The following CTTNBP2NL variants were observed in gnomAD, a reference collection of about 807,000 sequenced individuals.
CTTNBP2NL encodes CTTNBP2 N-terminal-like protein.
In CTTNBP2NL, 16 loss-of-function variants were observed where a neutral mutation model predicts 32.5. That is an observed-to-expected ratio of 0.49 (90% CI 0.33 to 0.75). The LOEUF (loss-of-function observed/expected upper bound fraction) is 0.75. Ranked by LOEUF, CTTNBP2NL falls within the 30% of genes least tolerant of loss-of-function variation. The pLI, the probability that CTTNBP2NL is intolerant of heterozygous loss-of-function variation, is 0.02. For missense variants in CTTNBP2NL, 645 were observed against 756.0 expected (o/e 0.85, Z 1.72); for synonymous variants, 298 against 289.4 (o/e 1.03, Z -0.30).
intron 3 of CTTNBP2NL, among the ~76,000 whole-genome samples, chr1:112,447,347 T>TCA (rs950380772): frequency 2.0e-3 from 300 of 149,088 alleles, no homozygotes; most frequent in African/African-American, 6.7e-3. Context: ...CACTTTTAAT[T>TCA]CACACACACA....
intron 4 of CTTNBP2NL, among the ~76,000 whole-genome samples, chr1:112,449,709 T>C (rs1054920287): frequency 6.7e-6 from 1 of 149,532 alleles, no homozygotes; most frequent in Non-Finnish European, 1.5e-5. Flanking sequence ...TTAAAGGTGT[T>C]CTACTCTATT....
intron 1 of CTTNBP2NL, among the ~76,000 whole-genome samples, chr1:112,401,928 G>T (rs1444059329): frequency 2.6e-5 from 4 of 152,184 alleles, no homozygotes; most frequent in Non-Finnish European, 5.9e-5. Context: ...TGAATTTAAA[G>T]AATGCAACCC....
intron 1 of CTTNBP2NL, among the ~76,000 whole-genome samples, chr1:112,408,061 G>A (rs944215417): frequency 6.6e-6 from 1 of 151,450 alleles, no homozygotes; most frequent in African/African-American, 2.4e-5. Flanking sequence ...TGTCCAGGCT[G>A]GTCTCAAACT....
chr1:112,405,911 C>T (rs888205506), intron 1 of CTTNBP2NL, among the ~76,000 whole-genome samples: 5 of 152,106 alleles, frequency 3.3e-5, no homozygotes, highest in Non-Finnish European at 5.9e-5. Context: ...TGCGGCCGGG[C>T]GCAGTGGCTC....
intron 3 of CTTNBP2NL, among the ~76,000 whole-genome samples, chr1:112,424,983 ATTTT>A (rs1239412500): frequency 7.4e-6 from 1 of 134,382 alleles, no homozygotes; most frequent in Admixed American, 7.6e-5. Flanking sequence ...GCCCAGCTAA[ATTTT>A]TTTTTTTTTT....
At chr1:112,412,774 G>A (rs1483836193) in intron 2 of CTTNBP2NL, among the ~76,000 whole-genome samples, 1 of 151,798 alleles carries the variant, frequency 6.6e-6, no homozygotes, top group Non-Finnish European at 1.5e-5. Context: ...GCACCACCAC[G>A]TCTGGCTAAT....
intron 3 of CTTNBP2NL, among the ~76,000 whole-genome samples, chr1:112,446,369 CAAAA>C (rs1027946286): frequency 6.9e-4 from 102 of 147,022 alleles, no homozygotes; most frequent in Non-Finnish European, 1.1e-3. Context: ...CTGTCTCAAA[CAAAA>C]AAGAAAAAAG....
chr1:112,415,238 A>G (rs746382126), intron 2 of CTTNBP2NL, among the ~76,000 whole-genome samples: 5 of 152,170 alleles, frequency 3.3e-5, no homozygotes, highest in Non-Finnish European at 5.9e-5. Context: ...TTGAGAATTC[A>G]TTTAAAAGTA....
intron 3 of CTTNBP2NL, among the ~76,000 whole-genome samples, chr1:112,437,338 T>C (rs1468068253): frequency 6.6e-6 from 1 of 152,232 alleles, no homozygotes; most frequent in African/African-American, 2.4e-5. Flanking sequence ...TGGTATGAGA[T>C]GGTATCTCAT....
Position 112,456,921 on chromosome 1 carries a change from A to G in CTTNBP2NL, c.1429A>G (p.Ser477Gly), listed in dbSNP as rs775787629. Reference sequence around the variant, plus strand: ...CCAAGCAGATCAGGACCAACAAGCCAGTGGCCTACAGAGCCCTCCATCCAG... The same window carrying G: ...CCAAGCAGATCAGGACCAACAAGCCGGTGGCCTACAGAGCCCTCCATCCAG... Reference protein sequence around the residue: ...QSQADQDQQASGLQSPPSRDL... With the variant: ...QSQADQDQQAGGLQSPPSRDL... Residue 477 changes from serine to glycine, a missense_variant, in exon 6 of 6, where the codon AGT becomes GGT. Transcript: ENST00000271277. 2 of 1,614,096 alleles carry G rather than the reference A, an allele frequency of 1.2e-6. No homozygotes were observed. The highest frequency in any genetic ancestry group is 2.2e-5 in the South Asian group (2 of 91,084).
At chr1:112,433,002 C>T (rs1049612232) in intron 3 of CTTNBP2NL, among the ~76,000 whole-genome samples, 11 of 152,116 alleles carry the variant, frequency 7.2e-5, no homozygotes, top group African/African-American at 1.7e-4. Context: ...AAACTTCTTT[C>T]CTTGGCTTCT....
chr1:112,451,767 C>CAA (rs1308116077), intron 4 of CTTNBP2NL, among the ~76,000 whole-genome samples: 26 of 56,036 alleles, frequency 4.6e-4, no homozygotes, highest in African/African-American at 9.8e-4. Flanking sequence ...AAGACTGTCT[C>CAA]AAAAAAAAAA....
upstream of CTTNBP2NL, among the ~76,000 whole-genome samples, chr1:112,395,296 G>A (rs763662169): frequency 7.9e-5 from 12 of 152,280 alleles, 1 homozygote; most frequent in Non-Finnish European, 1.5e-4. Flanking sequence ...CCATTCTGTG[G>A]AAAAGGAATT....
intron 1 of CTTNBP2NL, among the ~76,000 whole-genome samples, chr1:112,404,458 TC>T (rs1648599521): frequency 6.6e-6 from 1 of 152,208 alleles, no homozygotes; most frequent in Non-Finnish European, 1.5e-5. Context: ...CTCTGGAGTT[TC>T]TCCCCAGTGT....
chr1:112,424,973 G>A (rs1251779791), intron 3 of CTTNBP2NL, among the ~76,000 whole-genome samples: 3 of 150,528 alleles, frequency 2.0e-5, no homozygotes, highest in African/African-American at 4.9e-5. Flanking sequence ...ACACCACAAC[G>A]CCCAGCTAAA....
intron 3 of CTTNBP2NL, among the ~76,000 whole-genome samples, chr1:112,417,157 C>A (rs1221466031): frequency 6.6e-6 from 1 of 152,056 alleles, no homozygotes; most frequent in Non-Finnish European, 1.5e-5. Flanking sequence ...ATAGTTTTAC[C>A]GAGATAACCT....
chr1:112,457,076 C>G lies in CTTNBP2NL; in HGVS notation c.1584C>G (p.Pro528=). 6.2e-7 allele frequency: 1 copy of G among 1,614,226 alleles called. No homozygotes were observed. The highest frequency in any genetic ancestry group is 8.5e-7 in the Non-Finnish European group (1 of 1,180,042). The change falls in exon 6 of 6, where the codon CCC becomes CCG. Residue 528 remains proline, a synonymous_variant. Coordinates refer to ENST00000271277, the MANE Select transcript of CTTNBP2NL (RefSeq NM_018704.3). ...PIKPVSPNSS[P]FGTDYRNLAN... ...AGCCAGTCTCTCCCAACAGCTCTCCCTTTGGCACAGACTATCGAAATCTAG... is the reference window on the plus strand; with the variant it reads ...AGCCAGTCTCTCCCAACAGCTCTCCGTTTGGCACAGACTATCGAAATCTAG...
At chr1:112,449,257 C>T in intron 4 of CTTNBP2NL, 85 bp downstream of exon 4, 2 of 731,054 alleles carry the variant, frequency 2.7e-6, no homozygotes, top group Non-Finnish European at 4.6e-6. Flanking sequence ...GCCAGTTTTT[C>T]ACAGTAATTC....
chr1:112,432,490 GTAT>G (rs1364344936), intron 3 of CTTNBP2NL, among the ~76,000 whole-genome samples: 5 of 152,046 alleles, frequency 3.3e-5, no homozygotes, highest in Admixed American at 3.3e-4. Flanking sequence ...GCATATTATT[GTAT>G]TATTATTAAG....
Sources: allele counts gnomAD v4.1 joint callset (sites outside exome capture counted in the v4.1 genomes callset), GRCh38; gene constraint gnomAD v4.1.1; transcripts MANE v1.5; gene names NCBI Gene and HGNC (gene_info 2026-07-23, HGNC 2026-07-21).